The following LRRD1 variants were observed in gnomAD, a reference collection of about 807,000 sequenced individuals.
LRRD1 encodes the protein leucine rich repeats and death domain containing 1, also known as leucine-rich repeat and death domain-containing protein 1.
In LRRD1, 49 loss-of-function variants were observed where a neutral mutation model predicts 69.5. The observed-to-expected ratio is 0.70, with a 90% confidence interval of 0.56 to 0.89. LRRD1 has a LOEUF of 0.89. Among genes scored for constraint, LRRD1 ranks in the 40% least tolerant of loss-of-function variants. LRRD1 has a pLI of 0.00. For synonymous variants in LRRD1, 303 were observed against 338.9 expected (o/e 0.89, Z 1.16); for missense variants, 853 against 956.0 (o/e 0.89, Z 1.42).
At chr7:92,153,533 A>G (rs1409281278) in intron 3 of LRRD1, among the ~76,000 whole-genome samples, 1 of 150,812 alleles carries the variant, frequency 6.6e-6, no homozygotes, top group East Asian at 1.9e-4. Context: ...TCATTCTTTT[A>G]AAAAATGTCT....
At position 92,151,076 on chromosome 7, in the gene LRRD1, G is replaced by C. The variant is rs1045441793; in HGVS notation, c.2117-381C>G. Reference sequence around the variant, plus strand: ...TCATCTAGCTTTAGTTTCTCCTAATGTTATCACATTATCATATTACATTTG... The same window carrying C: ...TCATCTAGCTTTAGTTTCTCCTAATCTTATCACATTATCATATTACATTTG... On this transcript the variant is annotated intron_variant, in intron 3 of 5. Coordinates refer to ENST00000458448, the MANE Select transcript of LRRD1 (RefSeq NM_001161528.2). 6.6e-5 allele frequency among the ~76,000 whole-genome samples: 10 copies of C among 152,162 alleles called. 1 individual carries two copies. The highest frequency in any genetic ancestry group is 1.2e-4 in the Non-Finnish European group (8 of 68,030).
Position 92,146,184 on chromosome 7 carries a change from C to A in LRRD1, c.2295G>T (p.Lys765Asn). Residue 765 changes from lysine (K) to asparagine (N), a missense_variant, in exon 5 of 6, where the codon AAG becomes AAT. This residue lies in a region of LRRD1 where 739 missense variants were observed against 808.0 expected (regional missense o/e 0.91). Transcript: ENST00000458448. ...ADERDEKILE[K>N]IFKIVANNIT... Reference sequence around the variant, plus strand: ...TGTTGTTGGCAACTATCTTGAATATCTTCTCTAAAATTTTCTCTACGTTTG... The same window carrying A: ...TGTTGTTGGCAACTATCTTGAATATATTCTCTAAAATTTTCTCTACGTTTG... The A allele has an allele frequency of 6.7e-7, 1 of 1,501,082 alleles. No individual in the cohort carries two copies. Among genetic ancestry groups the A allele is most frequent in the Non-Finnish European group, 8.9e-7 (1 of 1,118,768 alleles). The allele number at this position is 1,501,082 out of a possible 1,614,324, so 93.0% of individuals were successfully genotyped here.
At chr7:92,172,484 G>A (rs1037549554) in intron 1 of LRRD1, among the ~76,000 whole-genome samples, 16 of 151,736 alleles carry the variant, frequency 1.1e-4, no homozygotes, top group Admixed American at 5.9e-4. Flanking sequence ...TAATACATTC[G>A]GTAAAGTTTC....
At chr7:92,149,299 T>C (rs1218317732) in intron 4 of LRRD1, among the ~76,000 whole-genome samples, 1 of 152,232 alleles carries the variant, frequency 6.6e-6, no homozygotes, top group African/African-American at 2.4e-5. Context: ...AGATACATGA[T>C]AGAATGATCT....
At chr7:92,145,702 A>G (rs149295449) in intron 5 of LRRD1, among the ~76,000 whole-genome samples, 1,744 of 152,144 alleles carry the variant, frequency 0.011, 17 homozygotes, top group Non-Finnish European at 0.018. Flanking sequence ...GCTTCCCTAA[A>G]TGCTGGGATT....
chr7:92,168,712 A>C (rs1788982932), intron 1 of LRRD1, among the ~76,000 whole-genome samples: 1 of 152,204 alleles, frequency 6.6e-6, no homozygotes, highest in African/African-American at 2.4e-5. Flanking sequence ...AGAATCTGTA[A>C]GCAAACACAT....
At chr7:92,161,715 C>G (rs893650737) in intron 2 of LRRD1, among the ~76,000 whole-genome samples, 1 of 152,018 alleles carries the variant, frequency 6.6e-6, no homozygotes, top group African/African-American at 2.4e-5. Context: ...TTTAGCCTGG[C>G]AGGTTTAAAA....
At chr7:92,156,404 A>G (rs974525201) in intron 3 of LRRD1, among the ~76,000 whole-genome samples, 8 of 152,228 alleles carry the variant, frequency 5.3e-5, no homozygotes, top group African/African-American at 1.9e-4. Flanking sequence ...TTTTGGGAAA[A>G]CTGACATATT....
At chr7:92,154,661 T>C (rs1467153049) in intron 3 of LRRD1, among the ~76,000 whole-genome samples, 1 of 152,222 alleles carries the variant, frequency 6.6e-6, no homozygotes, top group Non-Finnish European at 1.5e-5. Context: ...TGAGGTAATA[T>C]TTTTATATAG....
chr7:92,163,198 A>G (rs1788824661), intron 2 of LRRD1, 88 bp downstream of exon 2: 1 of 826,332 alleles, frequency 1.2e-6, no homozygotes, highest in Non-Finnish European at 1.7e-6. Flanking sequence ...TAAAACACAC[A>G]TACGGTACCC....
intron 2 of LRRD1, among the ~76,000 whole-genome samples, chr7:92,161,338 A>T (rs1481763968): frequency 6.6e-6 from 1 of 152,230 alleles, no homozygotes; most frequent in Non-Finnish European, 1.5e-5. Flanking sequence ...GTTCTTGTAA[A>T]TCATTTTTTC....
At chr7:92,176,602 T>G (rs906476167) in intron 1 of LRRD1, among the ~76,000 whole-genome samples, 4 of 151,426 alleles carry the variant, frequency 2.6e-5, no homozygotes, top group Admixed American at 6.6e-5. Context: ...CTTGCTCTGT[T>G]GCCCAGACTG....
intron 4 of LRRD1, chr7:92,150,045 G>T (rs1419113512): frequency 3.2e-6 from 1 of 310,400 alleles, no homozygotes; most frequent in African/African-American, 2.2e-5. Context: ...GTGTGGACCT[G>T]GATTACGTAA....
rs376492649 is a variant in LRRD1, at chr7:92,173,181, T to A, written c.-75+5826A>T. Among the ~76,000 whole-genome samples the A allele has an allele frequency of 5.3e-5, 8 of 152,282 alleles. No homozygotes were observed. The East Asian group carries it at 1.3e-3, about 26-fold the overall frequency. ...AACTAGACACCTATCTCTCACCATA[T>A]GCAAAAATCAAATCAAAATGGCTTA... On this transcript the variant is annotated intron_variant, in intron 1 of 5. Transcript: ENST00000458448.
downstream of LRRD1, among the ~76,000 whole-genome samples, chr7:92,144,309 C>T (rs955196881): frequency 3.3e-5 from 5 of 152,046 alleles, no homozygotes; most frequent in African/African-American, 9.7e-5. Context: ...TGTATAAAAG[C>T]ATTATATAAC....
At chr7:92,161,782 A>C (rs746793111) in intron 2 of LRRD1, among the ~76,000 whole-genome samples, 6 of 152,206 alleles carry the variant, frequency 3.9e-5, no homozygotes, top group African/African-American at 1.4e-4. Flanking sequence ...TGGAAGAAAA[A>C]TGAGCTGACT....
At chr7:92,170,118 AAGGAAGGAAGGG>A (rs1217649940) in intron 1 of LRRD1, among the ~76,000 whole-genome samples, 41 of 150,532 alleles carry the variant, frequency 2.7e-4, no homozygotes, top group Admixed American at 2.2e-3. Context: ...GAGAGGAAGG[AAGGAAGGAAGGG>A]AGGAAGGAAG....
At chr7:92,178,112 G>A (rs994170422) in intron 1 of LRRD1, among the ~76,000 whole-genome samples, 2 of 152,156 alleles carry the variant, frequency 1.3e-5, no homozygotes, top group African/African-American at 4.8e-5. Flanking sequence ...AGGAGATCGA[G>A]ACCATCCTGG....
At chr7:92,150,043 C>T (rs1441032548) in intron 4 of LRRD1, 1 of 338,550 alleles carries the variant, frequency 3.0e-6, no homozygotes, top group African/African-American at 2.1e-5. Context: ...TTGTGTGGAC[C>T]TGGATTACGT....
Sources: gnomAD v4.1 joint callset for allele counts (sites outside exome capture counted in the v4.1 genomes callset) on GRCh38, gnomAD v4.1.1 for gene constraint, gnomAD v4.1.1 regional missense constraint, MANE v1.5 for transcripts, NCBI Gene and HGNC (gene_info 2026-07-23, HGNC 2026-07-21) for gene names.